ZFYVE21: variants seen among roughly 807,000 people sequenced by gnomAD.
ZFYVE21 encodes zinc finger FYVE domain-containing protein 21.
Under a neutral mutation model 29.5 loss-of-function variants are expected in ZFYVE21, and 21 were observed. That is an observed-to-expected ratio of 0.71 (90% confidence interval 0.50 to 1.02). ZFYVE21 has a LOEUF of 1.02. ZFYVE21 is among the 50% of genes least tolerant of loss of function. ZFYVE21 has a pLI of 0.00. For missense variants in ZFYVE21, 326 were observed against 335.4 expected, an observed-to-expected ratio of 0.97 and a Z score of 0.22; for synonymous variants, 151 against 133.8, an observed-to-expected ratio of 1.13 and a Z score of -0.89.
intron 3 of ZFYVE21, 141 bp downstream of exon 3, chr14:103,728,055 A>T: frequency 1.1e-6 from 1 of 952,214 alleles, no homozygotes; most frequent in East Asian, 2.7e-5. Context: ...TTTCTTCTGG[A>T]TTCGTTTAGA....
intron 1 of ZFYVE21, among the ~76,000 whole-genome samples, chr14:103,719,347 T>A (rs185725998): frequency 1.3e-5 from 2 of 151,342 alleles, no homozygotes; most frequent in Non-Finnish European, 2.9e-5. Flanking sequence ...GTATCCCAGC[T>A]CAGGAGGCTG....
chr14:103,716,114 C>T lies in ZFYVE21; in HGVS notation c.138+135C>T, dbSNP rs1387362893. 3.2e-6 allele frequency: 3 copies of T among 924,810 alleles called. No homozygotes were observed. The highest frequency in any genetic ancestry group is 4.5e-4 in the Middle Eastern group (1 of 2,228). The allele number at this position is 924,810 out of a possible 1,614,324, so 57.3% of individuals were successfully genotyped here. On this transcript the variant is annotated intron_variant, in intron 1 of 6. Coordinates refer to ENST00000311141, the MANE Select transcript of ZFYVE21 (RefSeq NM_024071.4). This position sits in a 1 kb window ranked among gnomAD's most constrained non-coding sequence, Gnocchi z 4.8. ...TCCCCAGCCGGCCCCCGCCCCCGCT[C>T]TCTCCCAGGTTGGCCGCGTCCCCGG...
rs2083800981 is a variant in ZFYVE21, at chr14:103,715,976, G to A, written c.135G>A (p.Lys45=). ...AGGAGCCGCAGTGGGTCCCGGACAAGGAGGTGGGTGGCCGTCGCCCCGGCC... is the reference window on the plus strand; with the variant it reads ...AGGAGCCGCAGTGGGTCCCGGACAAAGAGGTGGGTGGCCGTCGCCCCGGCC... ...GLEEPQWVPD[K]ECRRCMQCDA... The change falls in exon 1 of 7, where the codon AAG becomes AAA. Residue 45 remains lysine, a synonymous_variant. Transcript: ENST00000311141. 1.5e-6 allele frequency: 2 copies of A among 1,313,194 alleles called. No homozygotes were observed. The highest frequency in any genetic ancestry group is 1.9e-5 in the South Asian group (1 of 53,734). 81.3% of individuals were successfully genotyped at this position (1,313,194 alleles called of 1,614,324 possible).
In ZFYVE21 at chr14:103,732,734, C is replaced by A. The variant is rs150014996; in HGVS notation, c.641C>A (p.Ala214Glu). Residue 214 changes from alanine (A) to glutamate (E), a missense_variant, in exon 6 of 7, where the codon GCG becomes GAG. Ala to Glu is a moderately radical substitution (Grantham distance 107). Coordinates refer to ENST00000311141, the MANE Select transcript of ZFYVE21 (RefSeq NM_024071.4). Reference sequence around the variant, plus strand: ...GACGTGACTGTGGGCAGGAGGCAGGCGGTGGCGTGGCTAGTGGCCATGCAC... The same window carrying A: ...GACGTGACTGTGGGCAGGAGGCAGGAGGTGGCGTGGCTAGTGGCCATGCAC... Reference protein sequence around the residue: ...VEDVTVGRRQAVAWLVAMHKA... With the variant: ...VEDVTVGRRQEVAWLVAMHKA... The A allele has an allele frequency of 6.2e-7, 1 of 1,613,012 alleles. No homozygotes were observed. The highest frequency in any genetic ancestry group is 2.2e-5 in the East Asian group (1 of 44,882).
intron 2 of ZFYVE21, 146 bp from the exon 3 acceptor site, chr14:103,727,600 G>C: frequency 2.9e-6 from 3 of 1,027,360 alleles, no homozygotes; most frequent in Non-Finnish European, 2.9e-6. Flanking sequence ...CCCAGGGGCT[G>C]GCGACAGGAG....
At chr14:103,722,379 G>T (rs1164569381) in intron 1 of ZFYVE21, among the ~76,000 whole-genome samples, 2 of 120,854 alleles carry the variant, frequency 1.7e-5, no homozygotes, top group African/African-American at 6.4e-5. Context: ...TTTTGAGACA[G>T]GGTCTCACTC....
Position 103,727,854 on chromosome 14 carries a change from G to A in ZFYVE21, c.298G>A (p.Ala100Thr), listed in dbSNP as rs771957293. Residue 100 changes from alanine to threonine, a missense_variant, in exon 3 of 7, where the codon GCC (alanine) becomes ACC (threonine). Physicochemically the swap from Ala to Thr is moderately conservative, Grantham distance 58. Transcript: ENST00000311141. ...CCCCGTGCGGCAGTGCGCGGAGTGCGCCCTCGTGTCCCTCAAGGAGGCGGA... is the reference window on the plus strand; with the variant it reads ...CCCCGTGCGGCAGTGCGCGGAGTGCACCCTCGTGTCCCTCAAGGAGGCGGA... ...VDPVRQCAEC[A>T]LVSLKEAEFY... 1.9e-5 allele frequency: 30 copies of A among 1,613,262 alleles called. No individual in the cohort carries two copies. Among genetic ancestry groups the A allele is most frequent in the Middle Eastern group, 1.6e-4 (1 of 6,062 alleles).
chr14:103,720,855 CA>C (rs2083866476), intron 1 of ZFYVE21, among the ~76,000 whole-genome samples: 1 of 152,180 alleles, frequency 6.6e-6, no homozygotes, highest in Non-Finnish European at 1.5e-5. Context: ...GACGGAGTCT[CA>C]CTGTCACCCA....
chr14:103,731,032 CG>C (rs2083968725), intron 5 of ZFYVE21: 1 of 152,444 alleles, frequency 6.6e-6, no homozygotes, highest in African/African-American at 2.4e-5. Flanking sequence ...TCTAGAGGCC[CG>C]GCATGGTGGC....
intron 6 of ZFYVE21, 78 bp from the exon 7 acceptor site, chr14:103,732,905 C>T: frequency 1.2e-6 from 2 of 1,610,670 alleles, no homozygotes; most frequent in East Asian, 2.2e-5. Context: ...GCCATCTCCC[C>T]TGAAATGCAC....
intron 1 of ZFYVE21, chr14:103,726,506 A>G: frequency 2.5e-6 from 1 of 398,576 alleles, no homozygotes; most frequent in Middle Eastern, 6.9e-4. Flanking sequence ...GCCAGGATGC[A>G]TGCTCTGCTG....
intron 1 of ZFYVE21, among the ~76,000 whole-genome samples, chr14:103,722,583 G>A (rs12894657): frequency 0.27 from 40,729 of 151,864 alleles, 6,435 homozygotes; most frequent in Non-Finnish European, 0.34. Flanking sequence ...ACTTTGGGAG[G>A]CCGATGCAGG....
intron 5 of ZFYVE21, chr14:103,731,471 T>TA: frequency 6.9e-6 from 1 of 145,572 alleles, no homozygotes; most frequent in Admixed American, 6.9e-5. Flanking sequence ...TAGCTGGGCG[T>TA]AGAGGTACAC....
chr14:103,721,528 T>C (rs2083872612), intron 1 of ZFYVE21, among the ~76,000 whole-genome samples: 1 of 152,214 alleles, frequency 6.6e-6, no homozygotes, highest in Non-Finnish European at 1.5e-5. Flanking sequence ...GTGACGCCAC[T>C]GCACAGGGCA....
At chr14:103,727,367 G>GC in intron 2 of ZFYVE21, 3 of 133,776 alleles carry the variant, frequency 2.2e-5, no homozygotes, top group Non-Finnish European at 3.1e-5. Flanking sequence ...CCTGCCCCCC[G>GC]CCCCCTCTGC....
Position 103,732,666 on chromosome 14 carries a change from G to A in ZFYVE21, c.573G>A (p.Pro191=), listed in dbSNP as rs778656271. The change falls in exon 6 of 7, where the codon CCG becomes CCA. Residue 191 remains proline (P), a synonymous_variant. Coordinates refer to ENST00000311141, the MANE Select transcript of ZFYVE21 (RefSeq NM_024071.4). ...ATGMFLQYTV[P]GTEGVTQLKL... ...GCATGTTCCTGCAGTATACAGTGCC[G>A]GGGACGGAGGGTGTGACCCAGCTGA... 8.1e-5 allele frequency: 130 copies of A among 1,611,788 alleles called. No individual in the cohort carries two copies. In the East Asian group the frequency reaches 1.4e-3, roughly 17 times the overall value.
chr14:103,715,871 C>A lies in ZFYVE21; in HGVS notation c.30C>A (p.Asp10Glu). The A allele has an allele frequency of 1.4e-6, 2 of 1,431,154 alleles. No homozygotes were observed. The highest frequency in any genetic ancestry group is 1.8e-6 in the Non-Finnish European group (2 of 1,087,336). The allele number at this position is 1,431,154 out of a possible 1,614,324, so 88.7% of individuals were successfully genotyped here. Residue 10 changes from aspartate (D) to glutamate (E), a missense_variant, in exon 1 of 7, where the codon GAC (aspartate) becomes GAA (glutamate). Asp to Glu is a conservative substitution (Grantham distance 45). Coordinates refer to ENST00000311141, the MANE Select transcript of ZFYVE21 (RefSeq NM_024071.4). The part of the protein sequence containing the change: MSSEVSARR[D>E]AKKLVRSPSG... Reference sequence around the variant, plus strand: ...CCTCCGAGGTGTCCGCGCGCCGCGACGCCAAGAAGCTGGTGCGCTCCCCGA... The same window carrying A: ...CCTCCGAGGTGTCCGCGCGCCGCGAAGCCAAGAAGCTGGTGCGCTCCCCGA...
chr14:103,730,067 GC>G (rs1238392282), intron 5 of ZFYVE21: 16 of 594,674 alleles, frequency 2.7e-5, no homozygotes, highest in Admixed American at 6.6e-5. Flanking sequence ...TTCTGTCTCA[GC>G]GGGAGGGTTA....
At chr14:103,718,952 C>T (rs1036320643) in intron 1 of ZFYVE21, among the ~76,000 whole-genome samples, 2 of 152,158 alleles carry the variant, frequency 1.3e-5, no homozygotes, top group Non-Finnish European at 2.9e-5. Context: ...AGCTGTGCAG[C>T]GGGGAGAACA....
Sources: allele counts gnomAD v4.1 joint callset (sites outside exome capture counted in the v4.1 genomes callset), GRCh38; gene constraint gnomAD v4.1.1; non-coding constraint Gnocchi (gnomAD v3.1); transcripts MANE v1.5; gene names NCBI Gene and HGNC (gene_info 2026-07-23, HGNC 2026-07-21).